The following CREB5 variants were observed in gnomAD, a reference collection of about 807,000 sequenced individuals.
The protein encoded by CREB5 is cyclic AMP-responsive element-binding protein 5.
A neutral mutation model predicts 57.1 loss-of-function variants in CREB5; 19 were observed. That is an observed-to-expected ratio of 0.33 (90% CI 0.23 to 0.49). CREB5 has a LOEUF of 0.49. Ranked by LOEUF, CREB5 falls within the 20% of genes least tolerant of loss-of-function variation. CREB5 has a pLI of 0.99. For missense variants in CREB5, 579 were observed against 671.6 expected, an observed-to-expected ratio of 0.86 and a Z score of 1.52; for synonymous variants, 238 against 238.3, an observed-to-expected ratio of 1.00 and a Z score of 0.01.
At chr7:28,641,120 C>G (rs541816421) in intron 5 of CREB5, among the ~76,000 whole-genome samples, 1 of 152,086 alleles carries the variant, frequency 6.6e-6, no homozygotes, top group East Asian at 1.9e-4. Context: ...GTCAAGAATC[C>G]CTAGTGGAAA....
chr7:28,377,407 T>C (rs1786855140), intron 1 of CREB5, among the ~76,000 whole-genome samples: 2 of 152,050 alleles, frequency 1.3e-5, no homozygotes. Flanking sequence ...AAAATTAATT[T>C]CATCTGTTTG....
At chr7:28,707,046 G>T (rs916546541) in intron 5 of CREB5, among the ~76,000 whole-genome samples, 1 of 152,136 alleles carries the variant, frequency 6.6e-6, no homozygotes, top group Admixed American at 6.5e-5. Flanking sequence ...GGTACCTGCT[G>T]TAAGGGGTCT....
At chr7:28,629,318 C>G (rs1444046799) in intron 5 of CREB5, among the ~76,000 whole-genome samples, 3 of 152,298 alleles carry the variant, frequency 2.0e-5, no homozygotes, top group African/African-American at 7.2e-5. Flanking sequence ...ATTACCCAGT[C>G]CTCCTTCCAC....
rs750383982 is a variant in CREB5, at chr7:28,825,734, A to G, written c.*6455A>G. 6 of 152,766 alleles carry G rather than the reference A, an allele frequency of 3.9e-5. No individual in the cohort carries two copies. Among genetic ancestry groups the G allele is most frequent in the Middle Eastern group, 3.4e-3 (1 of 294 alleles). 9.5% of individuals were successfully genotyped at this position (152,766 alleles called of 1,614,324 possible). ...TGTTAAGCTTTTTGTTGCATCGTGA[A>G]CACATTTATTGTTACCAATGGACAA... On this transcript the variant is annotated 3_prime_UTR_variant, in exon 11 of 11. Coordinates refer to ENST00000357727, the MANE Select transcript of CREB5 (RefSeq NM_182898.4).
intron 1 of CREB5, among the ~76,000 whole-genome samples, chr7:28,404,017 A>G (rs1787528720): frequency 6.6e-6 from 1 of 152,184 alleles, no homozygotes; most frequent in African/African-American, 2.4e-5. Flanking sequence ...CTCAAATCCC[A>G]TAATTTGTAT....
intron 1 of CREB5, among the ~76,000 whole-genome samples, chr7:28,307,185 A>G (rs1785207217): frequency 6.6e-6 from 1 of 152,176 alleles, no homozygotes; most frequent in Non-Finnish European, 1.5e-5. Context: ...ATGCTTTCAC[A>G]CTCAGCCAGC....
chr7:28,632,296 C>T (rs1375724668), intron 5 of CREB5, among the ~76,000 whole-genome samples: 1 of 152,192 alleles, frequency 6.6e-6, no homozygotes, highest in East Asian at 1.9e-4. Context: ...TTTCCATTTC[C>T]TCTACCTCCT....
chr7:28,781,228 A>G (rs1479772893), intron 7 of CREB5, among the ~76,000 whole-genome samples: 3 of 152,224 alleles, frequency 2.0e-5, no homozygotes, highest in East Asian at 1.9e-4. Context: ...CCTGCATTCA[A>G]CAAAGCAGAT....
At chr7:28,490,244 T>C (rs1791740478) in intron 2 of CREB5, among the ~76,000 whole-genome samples, 1 of 152,216 alleles carries the variant, frequency 6.6e-6, no homozygotes, top group African/African-American at 2.4e-5. Context: ...AATCACATGA[T>C]CAGTAAATCA....
chr7:28,529,228 C>T (rs1379828220), intron 4 of CREB5, among the ~76,000 whole-genome samples: 2 of 152,164 alleles, frequency 1.3e-5, no homozygotes, highest in African/African-American at 4.8e-5. Flanking sequence ...AGTTTTTCCA[C>T]CCAAGAATGC....
intron 4 of CREB5, among the ~76,000 whole-genome samples, chr7:28,534,560 G>A (rs1448755446): frequency 6.6e-6 from 1 of 152,162 alleles, no homozygotes; most frequent in African/African-American, 2.4e-5. Flanking sequence ...AGTGTAACAG[G>A]GCACTTCTTC....
chr7:28,518,759 G>A (rs1793080470), intron 4 of CREB5, among the ~76,000 whole-genome samples: 1 of 151,900 alleles, frequency 6.6e-6, no homozygotes. Flanking sequence ...CCTGAAAGTG[G>A]CCTCCAAACA....
chr7:28,542,749 TA>T (rs1322835190), intron 4 of CREB5, among the ~76,000 whole-genome samples: 1 of 152,188 alleles, frequency 6.6e-6, no homozygotes, highest in Non-Finnish European at 1.5e-5. Context: ...GATAACTTCA[TA>T]AACCCTGACA....
At position 28,596,368 on chromosome 7, in the gene CREB5, A is replaced by G. The variant is rs79873368; in HGVS notation, c.464+25831A>G. Among the ~76,000 whole-genome samples, 1,358 of 152,318 alleles carry G rather than the reference A, an allele frequency of 8.9e-3. 21 individuals are homozygous for G. The highest frequency in any genetic ancestry group is 0.03 in the African/African-American group (1,243 of 41,562). Reference sequence around the variant, plus strand: ...GATATCTCAGAACTGAATTTCTTGCATTGCATTGCATTGCATATATTAGAA... The same window carrying G: ...GATATCTCAGAACTGAATTTCTTGCGTTGCATTGCATTGCATATATTAGAA... On this transcript the variant is annotated intron_variant, in intron 5 of 10. Transcript: ENST00000357727.
intron 7 of CREB5, among the ~76,000 whole-genome samples, chr7:28,746,408 C>T (rs1228882975): frequency 6.6e-6 from 1 of 152,202 alleles, no homozygotes; most frequent in African/African-American, 2.4e-5. Context: ...CCTTGCTGCT[C>T]AAAGTGGGGT....
intron 1 of CREB5, among the ~76,000 whole-genome samples, chr7:28,428,160 T>C (rs780426926): frequency 4.6e-5 from 7 of 152,076 alleles, no homozygotes; most frequent in Non-Finnish European, 7.4e-5. Flanking sequence ...GGCTGCTTGG[T>C]ACAAGGGCCC....
chr7:28,769,913 C>A (rs1806229135), intron 7 of CREB5, among the ~76,000 whole-genome samples: 1 of 152,198 alleles, frequency 6.6e-6, no homozygotes. Flanking sequence ...TAGAATCAGA[C>A]CTTTCCATGA....
intron 3 of CREB5, among the ~76,000 whole-genome samples, chr7:28,500,829 C>T (rs532555715): frequency 6.6e-6 from 1 of 152,072 alleles, no homozygotes; most frequent in Non-Finnish European, 1.5e-5. Flanking sequence ...ATAAATCACA[C>T]GCACACACAC....
intron 5 of CREB5, among the ~76,000 whole-genome samples, chr7:28,658,965 A>ATG (rs1373458983): frequency 7.4e-6 from 1 of 135,644 alleles, no homozygotes; most frequent in Non-Finnish European, 1.6e-5. Context: ...ATATATATAT[A>ATG]TATATATATA....
Sources: gnomAD v4.1 joint callset for allele counts (sites outside exome capture counted in the v4.1 genomes callset) on GRCh38, gnomAD v4.1.1 for gene constraint, MANE v1.5 for transcripts, NCBI Gene and HGNC (gene_info 2026-07-23, HGNC 2026-07-21) for gene names.